The following TSNARE1 variants were observed in gnomAD, a reference collection of about 807,000 sequenced individuals.
The protein encoded by TSNARE1 is t-SNARE domain containing 1.
TSNARE1 carries 49 observed loss-of-function variants against 62.0 expected under a neutral mutation model. The ratio of observed to expected loss-of-function variants is 0.79; its 90% CI spans 0.63 to 1.00. The LOEUF (loss-of-function observed/expected upper bound fraction) is 1.00, where lower values mean the gene tolerates loss of function less well. TSNARE1 is among the 50% of genes least tolerant of loss of function. The pLI, the probability that TSNARE1 is intolerant of heterozygous loss-of-function variation, is 0.00. For synonymous variants in TSNARE1, 328 were observed against 294.4 expected (o/e 1.11, Z -1.17); for missense variants, 755 against 700.1 (o/e 1.08, Z -0.88).
At position 142,261,396 on chromosome 8, in the gene TSNARE1, G is replaced by A. The variant is rs185268557; in HGVS notation, c.1446+13385C>T. 2.6e-3 allele frequency among the ~76,000 whole-genome samples: 373 copies of A among 141,252 alleles called. 2 individuals carry two copies. The highest frequency in any genetic ancestry group is 8.5e-3 in the African/African-American group (322 of 37,804). The allele number at this position is 141,252 out of a possible 152,430, so 92.7% of individuals were successfully genotyped here. ...GGATGGAGGAGAGAGGGGGGAGGGA[G>A]GGATAGTGGGAGGAGAGAGGAAGGA... is the stretch of plus-strand genomic sequence containing the variant. On this transcript the variant is annotated intron_variant, in intron 12 of 13. Coordinates refer to ENST00000524325, the MANE Select transcript of TSNARE1 (RefSeq NM_145003.5).
chr8:142,338,413 C>T (rs1033905464), intron 4 of TSNARE1, among the ~76,000 whole-genome samples: 1 of 152,254 alleles, frequency 6.6e-6, no homozygotes, highest in African/African-American at 2.4e-5. Context: ...GGCACCCACA[C>T]AGCCACTCCA....
chr8:142,351,381 G>A (rs1423703752), intron 2 of TSNARE1, among the ~76,000 whole-genome samples: 1 of 152,116 alleles, frequency 6.6e-6, no homozygotes, highest in Non-Finnish European at 1.5e-5. Flanking sequence ...TACAACAGCA[G>A]GAAAGAAAGT....
intron 1 of TSNARE1, among the ~76,000 whole-genome samples, chr8:142,355,192 A>C (rs942339451): frequency 6.6e-6 from 1 of 152,196 alleles, no homozygotes; most frequent in African/African-American, 2.4e-5. Flanking sequence ...CCCGGCACCC[A>C]TGCAGCCTGC....
At chr8:142,308,390 C>T (rs529380914) in intron 9 of TSNARE1, among the ~76,000 whole-genome samples, 2 of 152,200 alleles carry the variant, frequency 1.3e-5, no homozygotes, top group Admixed American at 1.3e-4. Context: ...ACAGGGTGAG[C>T]TGACGTTTGC....
rs901676812 is a variant in TSNARE1, at chr8:142,348,001, C to G, written c.89-2109G>C. On this transcript the variant is annotated intron_variant, in intron 2 of 13. Transcript: ENST00000524325. ...CGAGGGGCCAGTATGCTCTGCCCAC[C>G]TGAGCCACGTGAACCTAGAACATGG... Among the ~76,000 whole-genome samples, 10 of 152,342 alleles carry G rather than the reference C, an allele frequency of 6.6e-5. No homozygotes were observed. The East Asian group carries it at 1.7e-3, about 26-fold the overall frequency.
intron 12 of TSNARE1, among the ~76,000 whole-genome samples, chr8:142,239,886 G>A (rs1038555867): frequency 2.6e-5 from 4 of 152,160 alleles, no homozygotes; most frequent in Admixed American, 6.5e-5. Context: ...CTATTTCTGC[G>A]ACTGTTATGT....
At chr8:142,358,350 G>A (rs951851698) in intron 1 of TSNARE1, among the ~76,000 whole-genome samples, 7 of 152,172 alleles carry the variant, frequency 4.6e-5, no homozygotes, top group Non-Finnish European at 1.0e-4. Context: ...GAGGAGCACA[G>A]GAAGCTTGAG....
intron 6 of TSNARE1, among the ~76,000 whole-genome samples, chr8:142,320,864 C>T (rs1380817035): frequency 6.6e-6 from 1 of 152,256 alleles, no homozygotes; most frequent in African/African-American, 2.4e-5. Flanking sequence ...CAGGGGCTCT[C>T]ACTCATGCCC....
intron 1 of TSNARE1, among the ~76,000 whole-genome samples, chr8:142,392,522 A>T (rs759788861): frequency 6.6e-6 from 1 of 152,206 alleles, no homozygotes; most frequent in Non-Finnish European, 1.5e-5. Context: ...CATCATGACC[A>T]TCAGGACATC....
intron 12 of TSNARE1, among the ~76,000 whole-genome samples, chr8:142,254,011 A>G (rs927619734): frequency 6.6e-6 from 1 of 152,252 alleles, no homozygotes; most frequent in African/African-American, 2.4e-5. Flanking sequence ...TCCAGAAGAC[A>G]GAAATCAATT....
intron 1 of TSNARE1, among the ~76,000 whole-genome samples, chr8:142,357,805 G>A (rs907159303): frequency 1.3e-5 from 2 of 152,324 alleles, no homozygotes; most frequent in South Asian, 4.1e-4. Context: ...CTCCCAGGGA[G>A]AGAAGCCACC....
chr8:142,229,635 AG>A, intron 12 of TSNARE1, 56 bp from the exon 13 acceptor site: 1 of 1,547,416 alleles, frequency 6.5e-7, no homozygotes, highest in East Asian at 2.2e-5. Flanking sequence ...TCCCATCCTC[AG>A]GGGCATTTGG....
Position 142,325,273 on chromosome 8 carries a change from G to A in TSNARE1, c.893+5628C>T, listed in dbSNP as rs374373722. On this transcript the variant is annotated intron_variant, in intron 6 of 13. Coordinates refer to ENST00000524325, the MANE Select transcript of TSNARE1 (RefSeq NM_145003.5). ...TACAGTTGTCAGGGTCATGCTGGGC[G>A]GACCTGAAAGGCCACAACACAGACT... 5.3e-5 allele frequency among the ~76,000 whole-genome samples: 8 copies of A among 152,292 alleles called. No individual in the cohort carries two copies. The South Asian group carries it at 8.3e-4, about 16-fold the overall frequency.
At chr8:142,323,091 T>A (rs1269901577) in intron 6 of TSNARE1, among the ~76,000 whole-genome samples, 2 of 151,996 alleles carry the variant, frequency 1.3e-5, no homozygotes, top group Non-Finnish European at 2.9e-5. Context: ...CCTGGCTGCA[T>A]CCGTGGGCTG....
intron 13 of TSNARE1, among the ~76,000 whole-genome samples, chr8:142,225,791 A>C (rs887214235): frequency 1.3e-5 from 2 of 152,216 alleles, no homozygotes; most frequent in African/African-American, 2.4e-5. Flanking sequence ...TATGGCTGCT[A>C]CAACCAAGTA....
chr8:142,341,566 CAG>C (rs1345478010), intron 4 of TSNARE1, among the ~76,000 whole-genome samples: 4 of 152,164 alleles, frequency 2.6e-5, no homozygotes, highest in Non-Finnish European at 5.9e-5. Flanking sequence ...CGGCTGGGGC[CAG>C]AGGTCTTGGA....
chr8:142,219,617 CCA>C (rs1160120432), intron 13 of TSNARE1, among the ~76,000 whole-genome samples: 3 of 152,214 alleles, frequency 2.0e-5, no homozygotes, highest in Admixed American at 2.0e-4. Context: ...TCGCAGCTGC[CCA>C]CAGTTAAGCC....
rs546158059 is a variant in TSNARE1 at position 142,345,659 on chromosome 8, A to C, written c.238+84T>G. The C allele has an allele frequency of 3.5e-4, 502 of 1,429,164 alleles. No individual in the cohort carries two copies. The Middle Eastern group carries it at 6.4e-3, about 18-fold the overall frequency. The allele number at this position is 1,429,164 out of a possible 1,614,324, so 88.5% of individuals were successfully genotyped here. A position where few individuals can be genotyped will look rare whatever the true frequency, so the allele number is the denominator to read the frequency against. On this transcript the variant is annotated intron_variant, in intron 3 of 13. Transcript: ENST00000524325. The stretch of plus-strand genomic sequence containing the variant: ...TCCCAGCCTCCTCCCTGCAGCTCCC[A>C]CCTGCTGACCCTGCCCTCCTCAGCA...
chr8:142,226,934 CCCAG>C (rs1816804806), intron 13 of TSNARE1, among the ~76,000 whole-genome samples: 5 of 145,542 alleles, frequency 3.4e-5, no homozygotes, highest in African/African-American at 1.3e-4. Flanking sequence ...CACCCACAAC[CCCAG>C]TGACAGCCAG....
Sources: allele counts gnomAD v4.1 joint callset (sites outside exome capture counted in the v4.1 genomes callset), GRCh38; gene constraint gnomAD v4.1.1; transcripts MANE v1.5; gene names NCBI Gene and HGNC (gene_info 2026-07-23, HGNC 2026-07-21).